SCN11A: variants seen among roughly 807,000 people sequenced by gnomAD.
The protein encoded by SCN11A is sodium channel protein type 11 subunit alpha.
A neutral mutation model predicts 162.2 loss-of-function variants in SCN11A; 122 were observed. The ratio of observed to expected loss-of-function variants is 0.75; its 90% CI spans 0.65 to 0.87. SCN11A has a LOEUF of 0.87. Ranked by LOEUF, SCN11A falls within the 40% of genes least tolerant of loss-of-function variation. The pLI is 0.00. For missense variants in SCN11A, 2,015 were observed against 2,181.6 expected (o/e 0.92, Z 1.52); for synonymous variants, 758 against 751.5 (o/e 1.01, Z -0.14).
At chr3:38,854,953 A>G (rs2064843043) in intron 28 of SCN11A, among the ~76,000 whole-genome samples, 1 of 152,216 alleles carries the variant, frequency 6.6e-6, no homozygotes, top group African/African-American at 2.4e-5. Context: ...GAAACTTCCA[A>G]CTAGATTCTG....
intron 28 of SCN11A, among the ~76,000 whole-genome samples, chr3:38,858,139 A>G (rs2064901860): frequency 6.6e-6 from 1 of 152,214 alleles, no homozygotes; most frequent in Non-Finnish European, 1.5e-5. Flanking sequence ...TATTTAGGCA[A>G]CAACTAACAT....
chr3:38,899,883 A>C lies in SCN11A; in HGVS notation c.2022+11T>G, dbSNP rs749206508. 4 of 1,607,702 alleles carry C rather than the reference A, an allele frequency of 2.5e-6. No homozygotes were observed. In the South Asian group the frequency reaches 4.4e-5, roughly 18 times the overall value. On this transcript the variant is annotated intron_variant, in intron 17 of 29. Transcript: ENST00000302328. ...GCTACGTTTATGCAGTAAAATAAGAAAGTGCCTTACCACTCTGAAGGAACG... is the reference window on the plus strand; with the variant it reads ...GCTACGTTTATGCAGTAAAATAAGACAGTGCCTTACCACTCTGAAGGAACG...
At chr3:39,028,422 A>G (rs1370230020) in intron 2 of SCN11A, among the ~76,000 whole-genome samples, 1 of 152,208 alleles carries the variant, frequency 6.6e-6, no homozygotes, top group Non-Finnish European at 1.5e-5. Flanking sequence ...TCATTTGTCA[A>G]TTGGCACATA....
chr3:38,953,835 C>T (rs539680678), intron 3 of SCN11A, among the ~76,000 whole-genome samples, 76 bp from the exon 4 acceptor site: 11 of 152,112 alleles, frequency 7.2e-5, no homozygotes, highest in Non-Finnish European at 1.2e-4. Flanking sequence ...CTGAAAACAG[C>T]GTGAAAGCAA....
intron 17 of SCN11A, among the ~76,000 whole-genome samples, chr3:38,898,379 G>A (rs1194158589): frequency 6.6e-6 from 1 of 152,184 alleles, no homozygotes; most frequent in Non-Finnish European, 1.5e-5. Context: ...CTTCTTTTGT[G>A]CTACAATGGC....
chr3:39,051,929 C>G lies in SCN11A; in HGVS notation c.-472G>C. 6.7e-7 allele frequency: 1 copy of G among 1,483,344 alleles called. No individual in the cohort carries two copies. The highest frequency in any genetic ancestry group is 1.4e-5 in the African/African-American group (1 of 72,096). 91.9% of individuals were successfully genotyped at this position (1,483,344 alleles called of 1,614,324 possible). A position where few individuals can be genotyped will look rare whatever the true frequency, so the allele number is the denominator to read the frequency against. On this transcript the variant is annotated 5_prime_UTR_variant, in exon 1 of 30. Coordinates refer to ENST00000302328, the MANE Select transcript of SCN11A (RefSeq NM_001349253.2). ...GGAAACACAACAGCCTGTTTACCTT[C>G]AGCCCCGCCACTAACCCTTGGCCAA...
intron 28 of SCN11A, among the ~76,000 whole-genome samples, chr3:38,853,570 G>A (rs941356347): frequency 4.6e-5 from 7 of 152,082 alleles, no homozygotes; most frequent in Admixed American, 4.6e-4. Context: ...TTAGTGTGAT[G>A]GACTCTGTTT....
chr3:38,974,588 G>A (rs1405068544), intron 2 of SCN11A, among the ~76,000 whole-genome samples: 23 of 150,996 alleles, frequency 1.5e-4, no homozygotes, highest in Non-Finnish European at 5.9e-5. Context: ...CCAGCTACTC[G>A]GGAGGCTGAG....
chr3:38,940,252 A>G (rs951747632), intron 7 of SCN11A, among the ~76,000 whole-genome samples: 1 of 152,276 alleles, frequency 6.6e-6, no homozygotes, highest in Middle Eastern at 3.4e-3. Context: ...AACAAATGAA[A>G]AATATGTCAT....
At chr3:38,899,799 T>C in intron 17 of SCN11A, 95 bp downstream of exon 17, 1 of 969,430 alleles carries the variant, frequency 1.0e-6, no homozygotes, top group Non-Finnish European at 1.5e-6. Flanking sequence ...GTAAGATAAA[T>C]TAAAGTTTAG....
chr3:38,873,824 G>C (rs900445587), intron 23 of SCN11A, among the ~76,000 whole-genome samples: 22 of 152,130 alleles, frequency 1.4e-4, no homozygotes, highest in Non-Finnish European at 2.9e-5. Context: ...AATCTAACTT[G>C]CATTTATCAC....
At chr3:38,920,712 C>A (rs1056183500) in intron 10 of SCN11A, among the ~76,000 whole-genome samples, 1 of 148,126 alleles carries the variant, frequency 6.8e-6, no homozygotes, top group Non-Finnish European at 1.5e-5. Flanking sequence ...AAAGACGTGT[C>A]ATTGGAGAAA....
chr3:39,032,006 C>G (rs980364527), intron 2 of SCN11A, among the ~76,000 whole-genome samples: 1 of 151,718 alleles, frequency 6.6e-6, no homozygotes, highest in East Asian at 1.9e-4. Context: ...AAAAAAAAAC[C>G]AAAAATGGTT....
chr3:39,007,514 T>C (rs2031011102), intron 2 of SCN11A, among the ~76,000 whole-genome samples: 1 of 152,114 alleles, frequency 6.6e-6, no homozygotes, highest in South Asian at 2.1e-4. Flanking sequence ...TGAGGCATTT[T>C]AGGAGGGGAA....
intron 2 of SCN11A, among the ~76,000 whole-genome samples, chr3:39,017,999 A>G (rs2031343189): frequency 6.6e-6 from 1 of 152,206 alleles, no homozygotes; most frequent in African/African-American, 2.4e-5. Flanking sequence ...ATTTGGAAAG[A>G]GTTTTGTTTC....
At chr3:39,000,589 C>T (rs1261730361) in intron 2 of SCN11A, among the ~76,000 whole-genome samples, 4 of 152,314 alleles carry the variant, frequency 2.6e-5, no homozygotes, top group South Asian at 4.1e-4. Context: ...GTTACATTTA[C>T]CACATGCAAC....
chr3:38,881,657 C>T (rs996131794), intron 22 of SCN11A, among the ~76,000 whole-genome samples: 5 of 152,196 alleles, frequency 3.3e-5, no homozygotes, highest in Non-Finnish European at 7.3e-5. Flanking sequence ...TAATACTCTG[C>T]GTTTCTAACA....
chr3:39,026,254 A>G (rs549667599), intron 2 of SCN11A, among the ~76,000 whole-genome samples: 1 of 152,318 alleles, frequency 6.6e-6, no homozygotes, highest in African/African-American at 2.4e-5. Context: ...CTTTAAAATA[A>G]TCCTGTGTTC....
intron 2 of SCN11A, among the ~76,000 whole-genome samples, chr3:38,982,717 T>C (rs1483129058): frequency 6.6e-6 from 1 of 152,074 alleles, no homozygotes; most frequent in East Asian, 1.9e-4. Context: ...TGCTACACAG[T>C]GACAATGGTG....
Sources: allele counts gnomAD v4.1 joint callset (sites outside exome capture counted in the v4.1 genomes callset), GRCh38; gene constraint gnomAD v4.1.1; transcripts MANE v1.5; gene names NCBI Gene and HGNC (gene_info 2026-07-23, HGNC 2026-07-21).